The following PACSIN2 variants were observed in gnomAD, a reference collection of about 807,000 sequenced individuals.
PACSIN2 encodes the protein protein kinase C and casein kinase substrate in neurons protein 2.
Under a neutral mutation model 63.8 loss-of-function variants are expected in PACSIN2, and 25 were observed. That is an observed-to-expected ratio of 0.39 (90% CI 0.29 to 0.55). The LOEUF is 0.55. PACSIN2 is among the 20% of genes least tolerant of loss of function. PACSIN2 has a pLI of 0.62. For synonymous variants in PACSIN2, 255 were observed against 256.2 expected (o/e 1.00, Z 0.05); for missense variants, 518 against 646.9 (o/e 0.80, Z 2.16).
intron 1 of PACSIN2, among the ~76,000 whole-genome samples, chr22:42,983,142 C>T (rs1922341148): frequency 6.6e-6 from 1 of 151,756 alleles, no homozygotes; most frequent in East Asian, 1.9e-4. Flanking sequence ...CATGGTAAAA[C>T]CCCGTCTCTA....
chr22:42,929,160 C>T (rs1218018471), intron 1 of PACSIN2, among the ~76,000 whole-genome samples: 2 of 152,228 alleles, frequency 1.3e-5, no homozygotes, highest in South Asian at 2.1e-4. Context: ...CACCAGGACC[C>T]CAATGTCCGG....
intron 1 of PACSIN2, among the ~76,000 whole-genome samples, chr22:42,932,283 C>A (rs997722158): frequency 3.3e-5 from 5 of 152,212 alleles, no homozygotes; most frequent in African/African-American, 1.2e-4. Flanking sequence ...GCCGGCTCCC[C>A]CTCACACCAT....
chr22:43,010,427 C>T (rs1280541301), intron 1 of PACSIN2, among the ~76,000 whole-genome samples: 9 of 99,850 alleles, frequency 9.0e-5, no homozygotes, highest in Admixed American at 7.6e-4. Context: ...TAAAAAAGAC[C>T]GGCCAGGCAC....
intron 1 of PACSIN2, among the ~76,000 whole-genome samples, chr22:42,960,346 CACA>C (rs1271116691): frequency 6.6e-6 from 1 of 152,092 alleles, no homozygotes; most frequent in Admixed American, 6.5e-5. Flanking sequence ...TGTGACTACA[CACA>C]ACAAGGCAAT....
chr22:42,950,287 G>A (rs148806735), intron 1 of PACSIN2, among the ~76,000 whole-genome samples: 5 of 151,882 alleles, frequency 3.3e-5, no homozygotes, highest in Admixed American at 6.6e-5. Flanking sequence ...TATCAGAGAC[G>A]AGCATCCATG....
intron 1 of PACSIN2, among the ~76,000 whole-genome samples, chr22:42,996,531 C>CA (rs140591355): frequency 0.038 from 4,049 of 106,200 alleles, 88 homozygotes; most frequent in Middle Eastern, 0.06. Context: ...GACTCTGCCG[C>CA]AAAAAAAAAA....
intron 1 of PACSIN2, among the ~76,000 whole-genome samples, chr22:42,961,143 C>T (rs779524864): frequency 6.6e-6 from 1 of 152,220 alleles, no homozygotes; most frequent in Non-Finnish European, 1.5e-5. Flanking sequence ...AAAGAACATA[C>T]TGCAAGGGGA....
chr22:42,876,472 T>C (rs1928640277), intron 9 of PACSIN2, 139 bp from the exon 10 acceptor site: 1 of 677,876 alleles, frequency 1.5e-6, no homozygotes. Context: ...GTGGAGCCAG[T>C]GCTAGTGTGA....
At chr22:43,012,307 C>CAAAAA (rs35192048) in intron 1 of PACSIN2, among the ~76,000 whole-genome samples, 2 of 51,798 alleles carry the variant, frequency 3.9e-5, no homozygotes, top group Admixed American at 2.3e-4. Context: ...GACTCTCTCT[C>CAAAAA]AAAAAAAAAA....
At chr22:42,916,459 T>G (rs1231715255) in intron 1 of PACSIN2, among the ~76,000 whole-genome samples, 1 of 151,374 alleles carries the variant, frequency 6.6e-6, no homozygotes. Context: ...CCGAGCTGAG[T>G]TCTCAATGAC....
chr22:42,909,574 T>C (rs1443742266), intron 2 of PACSIN2: 1 of 470,962 alleles, frequency 2.1e-6, no homozygotes, highest in South Asian at 1.5e-5. Context: ...AGCTGGAGAG[T>C]AATTTCAGGG....
intron 2 of PACSIN2, among the ~76,000 whole-genome samples, chr22:42,907,738 C>T (rs142001146): frequency 4.4e-4 from 67 of 152,396 alleles, no homozygotes; most frequent in African/African-American, 1.0e-3. Flanking sequence ...CTCCATACAA[C>T]GCTGGCTCTA....
At chr22:42,880,049 T>G (rs568014216) in intron 7 of PACSIN2, among the ~76,000 whole-genome samples, 10 of 152,126 alleles carry the variant, frequency 6.6e-5, no homozygotes, top group Non-Finnish European at 1.2e-4. Context: ...TCTAGAAGAG[T>G]CTGTGCATGC....
chr22:42,971,997 G>A (rs1038959939), intron 1 of PACSIN2, among the ~76,000 whole-genome samples: 8 of 152,246 alleles, frequency 5.3e-5, no homozygotes, highest in South Asian at 2.1e-4. Flanking sequence ...CCGCCACCCC[G>A]TCTGGGAGGT....
intron 1 of PACSIN2, among the ~76,000 whole-genome samples, chr22:42,993,459 A>G (rs1283683092): frequency 2.0e-5 from 3 of 152,256 alleles, no homozygotes; most frequent in Admixed American, 6.5e-5. Context: ...GCAGAATAAC[A>G]TAAGACTGCT....
rs902725833 is a variant in PACSIN2 at position 42,878,689 on chromosome 22, G to A, written c.1028+359C>T. On this transcript the variant is annotated intron_variant, in intron 8 of 10. Transcript: ENST00000263246. The stretch of plus-strand genomic sequence containing the variant: ...TCAGCTGCCTGAGGGAACCAGGGTG[G>A]CACCTCCACCAGTGTCCGGGCAGGG... Among the ~76,000 whole-genome samples the A allele has an allele frequency of 2.6e-5, 4 of 152,336 alleles. No individual in the cohort carries two copies. The East Asian group carries it at 7.7e-4, about 29-fold the overall frequency.
intron 1 of PACSIN2, among the ~76,000 whole-genome samples, chr22:42,998,873 G>C (rs1376021320): frequency 1.3e-5 from 2 of 152,158 alleles, no homozygotes; most frequent in Admixed American, 1.3e-4. Context: ...AGGAAGTCGA[G>C]AGGAGTTGAG....
intron 1 of PACSIN2, among the ~76,000 whole-genome samples, chr22:42,948,136 G>T (rs1269155423): frequency 1.3e-5 from 2 of 152,222 alleles, no homozygotes; most frequent in Non-Finnish European, 1.5e-5. Context: ...GTGTGACAAA[G>T]GGGAGTTAGA....
At chr22:43,004,960 G>A (rs1923998579) in intron 1 of PACSIN2, among the ~76,000 whole-genome samples, 1 of 152,182 alleles carries the variant, frequency 6.6e-6, no homozygotes, top group African/African-American at 2.4e-5. Context: ...AACAAAATGA[G>A]GGCTATGGAA....
Sources: allele counts gnomAD v4.1 joint callset (sites outside exome capture counted in the v4.1 genomes callset), GRCh38; gene constraint gnomAD v4.1.1; transcripts MANE v1.5; gene names NCBI Gene and HGNC (gene_info 2026-07-23, HGNC 2026-07-21).